ONECUT2: variants seen among roughly 807,000 people sequenced by gnomAD.
ONECUT2 encodes the protein one cut domain family member 2.
Under a neutral mutation model 27.9 loss-of-function variants are expected in ONECUT2, and 10 were observed. That is an observed-to-expected ratio of 0.36 (90% CI 0.22 to 0.61). The LOEUF is 0.61. Ranked by LOEUF, ONECUT2 falls within the 20% of genes least tolerant of loss-of-function variation. The probability of loss-of-function intolerance (pLI) is 0.73; values close to 1 mark genes in which losing one functional copy is unlikely to be tolerated. For missense variants in ONECUT2, 686 were observed against 721.0 expected, an observed-to-expected ratio of 0.95 and a Z score of 0.56; for synonymous variants, 334 against 315.1, an observed-to-expected ratio of 1.06 and a Z score of -0.64.
chr18:57,474,245 C>A (rs1009599634), intron 1 of ONECUT2, among the ~76,000 whole-genome samples: 1 of 152,150 alleles, frequency 6.6e-6, no homozygotes, highest in African/African-American at 2.4e-5. Flanking sequence ...AGGAATGATT[C>A]ATTTATATTA....
chr18:57,452,055 A>C, intron 1 of ONECUT2, among the ~76,000 whole-genome samples: 1 of 152,164 alleles, frequency 6.6e-6, no homozygotes, highest in East Asian at 1.9e-4. Context: ...TGCTATGGTG[A>C]TACACAGACA....
intron 1 of ONECUT2, among the ~76,000 whole-genome samples, chr18:57,471,987 AAG>A (rs1219500514): frequency 6.6e-6 from 1 of 152,082 alleles, no homozygotes; most frequent in Non-Finnish European, 1.5e-5. Flanking sequence ...TTCCTCCTAA[AAG>A]AGAGAGGAGA....
rs1229795483 is a variant in ONECUT2, at chr18:57,476,702, C to T, written c.1494C>T (p.Ser498=). Residue 498 remains serine, a synonymous_variant, in exon 2 of 2, where the codon TCC becomes TCT. Transcript: ENST00000491143. The part of the protein sequence containing the change: ...DLSTGGSSST[S]STCTKA ...GCACAGGGGGCTCCTCGTCCACCTC[C>T]AGCACGTGTACCAAAGCATGATGGA... 1.9e-6 allele frequency: 3 copies of T among 1,613,996 alleles called. No individual in the cohort carries two copies. The highest frequency in any genetic ancestry group is 2.5e-6 in the Non-Finnish European group (3 of 1,180,030).
rs113191860 is a variant in ONECUT2 at position 57,463,586 on chromosome 18, A to G, written c.1229-12851A>G. ...GTAGATCAATATGGAAAGAATTAAA[A>G]CTCTTCACAATATTGAGTTTTCCAA... On this transcript the variant is annotated intron_variant, in intron 1 of 1. Transcript: ENST00000491143. Among the ~76,000 whole-genome samples, 153 of 151,256 alleles carry G rather than the reference A, an allele frequency of 1.0e-3. 1 individual carries two copies. Among genetic ancestry groups the G allele is most frequent in the African/African-American group, 3.4e-3 (140 of 41,212 alleles).
rs1045742359 is a variant in ONECUT2 at position 57,485,201 on chromosome 18, T to G, written c.*8478T>G. 6.6e-6 allele frequency: 1 copy of G among 152,218 alleles called. No individual in the cohort carries two copies. The highest frequency in any genetic ancestry group is 1.5e-5 in the Non-Finnish European group (1 of 68,028). 9.4% of individuals were successfully genotyped at this position (152,218 alleles called of 1,614,324 possible). On this transcript the variant is annotated 3_prime_UTR_variant, in exon 2 of 2. Coordinates refer to ENST00000491143, the MANE Select transcript of ONECUT2 (RefSeq NM_004852.3). ...TTATGGGTACTTTAAAGTCAGTATTTATCAAGAAAGGGAACTTGACCACCA... is the reference window on the plus strand; with the variant it reads ...TTATGGGTACTTTAAAGTCAGTATTGATCAAGAAAGGGAACTTGACCACCA...
intron 1 of ONECUT2, among the ~76,000 whole-genome samples, chr18:57,457,972 TG>T (rs2050269376): frequency 6.6e-6 from 1 of 150,756 alleles, no homozygotes; most frequent in African/African-American, 2.5e-5. Flanking sequence ...GGGCCTGTTG[TG>T]GGGTAGGGGG....
At chr18:57,457,480 A>G (rs1419346563) in intron 1 of ONECUT2, among the ~76,000 whole-genome samples, 1 of 151,972 alleles carries the variant, frequency 6.6e-6, no homozygotes, top group African/African-American at 2.4e-5. Flanking sequence ...CCCTGCCCCT[A>G]CTTCCTTTTC....
chr18:57,460,687 C>CTTTTTTTT lies in ONECUT2; in HGVS notation c.1229-15737_1229-15730dup, dbSNP rs66773926. Among the ~76,000 whole-genome samples, 7 of 112,958 alleles carry CTTTTTTTT rather than the reference C, an allele frequency of 6.2e-5. 1 individual carries two copies. Among genetic ancestry groups the CTTTTTTTT allele is most frequent in the Non-Finnish European group, 5.2e-5 (3 of 57,150 alleles). The allele number at this position is 112,958 out of a possible 152,430, so 74.1% of individuals were successfully genotyped here. A position where few individuals can be genotyped will look rare whatever the true frequency, so the allele number is the denominator to read the frequency against. On this transcript the variant is annotated intron_variant, in intron 1 of 1. Transcript: ENST00000491143. ...GGCACAGAGTTCTATTCATTCAAAT[C>CTTTTTTTT]TTTTTTTTTTTTTTTTTTTTGAGAT...
In ONECUT2 at chr18:57,436,024, G is replaced by C; in HGVS notation, c.308G>C (p.Arg103Pro). 6.5e-7 allele frequency: 1 copy of C among 1,545,394 alleles called. No individual in the cohort carries two copies. The highest frequency in any genetic ancestry group is 8.7e-7 in the Non-Finnish European group (1 of 1,151,562). Residue 103 changes from arginine (R) to proline (P), a missense_variant, in exon 1 of 2, where the codon CGC becomes CCC. By Grantham distance (103) the Arg-to-Pro change is moderately radical. Coordinates refer to ENST00000491143, the MANE Select transcript of ONECUT2 (RefSeq NM_004852.3). The surrounding 1 kb of genome is among the most constrained non-coding windows in gnomAD (Gnocchi z 5.9). ...GCAGCGGCGGCAGCGGCGGCGTCGC[G>C]CTCGGCCATGGTCACCAGCATGGCC... is the stretch of plus-strand genomic sequence containing the variant. Reference protein sequence around the residue: ...TAAAAAAAASRSAMVTSMASI... With the variant: ...TAAAAAAAASPSAMVTSMASI...
chr18:57,436,972 G>A lies in ONECUT2; in HGVS notation c.1228+28G>A. On this transcript the variant is annotated intron_variant, in intron 1 of 1. Coordinates refer to ENST00000491143, the MANE Select transcript of ONECUT2 (RefSeq NM_004852.3). The surrounding 1 kb of genome is among the most constrained non-coding windows in gnomAD (Gnocchi z 5.9). ...AAGGCCGGGGCTAGCCAGGGGCCAG[G>A]CTGCTGGGAAGAGGGCTCCGGGTCC... 1 of 1,547,054 alleles carries A rather than the reference G, an allele frequency of 6.5e-7. No homozygotes were observed. Among genetic ancestry groups the A allele is most frequent in the African/African-American group, 1.4e-5 (1 of 73,218 alleles).
chr18:57,450,380 G>T (rs1452105094), intron 1 of ONECUT2, among the ~76,000 whole-genome samples: 1 of 152,108 alleles, frequency 6.6e-6, no homozygotes, highest in Non-Finnish European at 1.5e-5. Flanking sequence ...CACCATGCTG[G>T]CCAGGCTGGT....
chr18:57,457,932 T>C (rs886823509), intron 1 of ONECUT2, among the ~76,000 whole-genome samples: 10 of 149,842 alleles, frequency 6.7e-5, no homozygotes, highest in Non-Finnish European at 1.0e-4. Context: ...TGAGAATACA[T>C]GGACACAGGG....
intron 1 of ONECUT2, among the ~76,000 whole-genome samples, chr18:57,473,372 A>C (rs578823): frequency 0.63 from 95,866 of 152,128 alleles, 32,566 homozygotes; most frequent in Middle Eastern, 0.8. Context: ...GCTCAGAGTT[A>C]CTGGGGTAAT....
intron 1 of ONECUT2, among the ~76,000 whole-genome samples, chr18:57,467,771 C>T (rs540423059): frequency 2.6e-5 from 4 of 152,322 alleles, no homozygotes; most frequent in South Asian, 2.1e-4. Context: ...CGGCTCACAC[C>T]GACATTCCAG....
At chr18:57,448,812 A>C (rs751736335) in intron 1 of ONECUT2, among the ~76,000 whole-genome samples, 2 of 152,240 alleles carry the variant, frequency 1.3e-5, no homozygotes, top group Non-Finnish European at 2.9e-5. Flanking sequence ...TGCCACATAA[A>C]CAAGACCTTT....
intron 1 of ONECUT2, among the ~76,000 whole-genome samples, chr18:57,466,262 A>AT (rs1372228925): frequency 6.6e-6 from 1 of 152,166 alleles, no homozygotes; most frequent in East Asian, 1.9e-4. Flanking sequence ...CTCAGATGTT[A>AT]TTTTTTCAAT....
At chr18:57,443,456 G>A (rs946157716) in intron 1 of ONECUT2, among the ~76,000 whole-genome samples, 5 of 152,228 alleles carry the variant, frequency 3.3e-5, no homozygotes, top group African/African-American at 1.2e-4. Context: ...AGCCCTCTGG[G>A]GTGATTTATT....
At chr18:57,467,367 T>G in intron 1 of ONECUT2, 1 of 314,930 alleles carries the variant, frequency 3.2e-6, no homozygotes, top group Non-Finnish European at 6.4e-6. Flanking sequence ...TTTGTTTGTT[T>G]GTTTGTTTTT....
chr18:57,458,181 T>A (rs894575007), intron 1 of ONECUT2, among the ~76,000 whole-genome samples: 13 of 152,210 alleles, frequency 8.5e-5, no homozygotes, highest in African/African-American at 1.4e-4. Context: ...TTTATTAAAA[T>A]TATTTTTAAT....
Sources: gnomAD v4.1 joint callset for allele counts (sites outside exome capture counted in the v4.1 genomes callset) on GRCh38, gnomAD v4.1.1 for gene constraint, Gnocchi (gnomAD v3.1) non-coding constraint, MANE v1.5 for transcripts, NCBI Gene and HGNC (gene_info 2026-07-23, HGNC 2026-07-21) for gene names.